The following RUBCN variants were observed in gnomAD, a reference collection of about 807,000 sequenced individuals.
RUBCN encodes the protein run domain Beclin-1-interacting and cysteine-rich domain-containing protein.
A neutral mutation model predicts 113.2 loss-of-function variants in RUBCN; 74 were observed. The observed-to-expected ratio is 0.65, with a 90% CI of 0.54 to 0.79. RUBCN has a LOEUF of 0.79. Among genes scored for constraint, RUBCN ranks in the 30% least tolerant of loss-of-function variants. The pLI, the probability that RUBCN is intolerant of heterozygous loss-of-function variation, is 0.00. For synonymous variants in RUBCN, 480 were observed against 490.0 expected, an observed-to-expected ratio of 0.98 and a Z score of 0.27; for missense variants, 1,109 against 1,251.7, an observed-to-expected ratio of 0.89 and a Z score of 1.72.
chr3:197,675,220 G>A lies in RUBCN; in HGVS notation c.2741-24C>T, dbSNP rs1376023108. On this transcript the variant is annotated intron_variant, in intron 19 of 19. Coordinates refer to ENST00000296343, the MANE Select transcript of RUBCN (RefSeq NM_014687.4). This position sits in a 1 kb window ranked among gnomAD's most constrained non-coding sequence, Gnocchi z 4.4. Reference sequence around the variant, plus strand: ...CTCTACTCAGGTTGGGAAGGTGGGGGAGAGAAGAAAACAATTTGTATTATC... The same window carrying A: ...CTCTACTCAGGTTGGGAAGGTGGGGAAGAGAAGAAAACAATTTGTATTATC... The A allele has an allele frequency of 1.2e-6, 2 of 1,613,362 alleles. No homozygotes were observed. The highest frequency in any genetic ancestry group is 1.7e-6 in the Non-Finnish European group (2 of 1,179,560).
chr3:197,692,949 T>C (rs1469865955), intron 11 of RUBCN, among the ~76,000 whole-genome samples: 1 of 152,234 alleles, frequency 6.6e-6, no homozygotes, highest in East Asian at 1.9e-4. Flanking sequence ...TCTGTCTACA[T>C]ACACAATGTT....
At position 197,700,717 on chromosome 3, in the gene RUBCN, C is replaced by G. The variant is rs1418145807; in HGVS notation, c.1157G>C (p.Arg386Thr). ...GESQLSSVLR[R>T]SSFSEGQTLT... ...TGTCTGCCCCTCTGAGAAGCTGGAC[C>G]TGCGGAGGACACTGGACAGCTGGCT... is the stretch of plus-strand genomic sequence containing the variant. Residue 386 changes from arginine to threonine, a missense_variant, in exon 7 of 20, where the codon AGG becomes ACG. By Grantham distance (71) the Arg-to-Thr change is moderately conservative. This residue lies in a region of RUBCN where 736 missense variants were observed against 779.6 expected (regional missense o/e 0.94). Coordinates refer to ENST00000296343, the MANE Select transcript of RUBCN (RefSeq NM_014687.4). The G allele has an allele frequency of 1.2e-6, 2 of 1,614,200 alleles. No individual in the cohort carries two copies. The highest frequency in any genetic ancestry group is 1.7e-5 in the Admixed American group (1 of 60,010).
chr3:197,746,655 C>T lies in RUBCN; in HGVS notation c.-116+2614G>A, dbSNP rs9861966. ...GACATATTTGTACTAAACAATTGTC[C>T]GTTGTTTATCTGAAATTCAAATTTA... is the stretch of plus-strand genomic sequence containing the variant. On this transcript the variant is annotated intron_variant, in intron 1 of 20. Coordinates refer to the RUBCN transcript ENST00000273582. Among the ~76,000 whole-genome samples, 1,471 of 152,062 alleles carry T rather than the reference C, an allele frequency of 9.7e-3. 12 individuals carry two copies. Among genetic ancestry groups the T allele is most frequent in the African/African-American group, 0.034 (1,395 of 41,496 alleles).
intron 13 of RUBCN, 123 bp from the exon 14 acceptor site, chr3:197,682,738 G>T: frequency 6.2e-6 from 8 of 1,300,666 alleles, no homozygotes; most frequent in Non-Finnish European, 7.7e-6. Flanking sequence ...TCACACGGAC[G>T]GGCTTGAGAA....
intron 2 of RUBCN, among the ~76,000 whole-genome samples, chr3:197,714,055 G>A (rs761278198): frequency 2.6e-5 from 4 of 151,858 alleles, no homozygotes; most frequent in Non-Finnish European, 5.9e-5. Flanking sequence ...CAGCCTGGGC[G>A]ACAGAGCGAG....
intron 1 of RUBCN, among the ~76,000 whole-genome samples, chr3:197,734,948 T>C (rs1470673835): frequency 3.3e-5 from 5 of 152,228 alleles, no homozygotes; most frequent in African/African-American, 1.2e-4. Context: ...CACATAAAAG[T>C]AGAGTCACCC....
At position 197,672,427 on chromosome 3, in the gene RUBCN, C is replaced by G. The variant is rs977033390; in HGVS notation, c.*2591G>C. 1 of 152,232 alleles carries G rather than the reference C, an allele frequency of 6.6e-6. No individual in the cohort carries two copies. The highest frequency in any genetic ancestry group is 1.5e-5 in the Non-Finnish European group (1 of 68,050). 9.4% of individuals were successfully genotyped at this position (152,232 alleles called of 1,614,324 possible). A position where few individuals can be genotyped will look rare whatever the true frequency, so the allele number is the denominator to read the frequency against. ...CATCCCATCCTCTACCCACTTCCCC[C>G]CTCTTGAATAAATAACTGGGTATTT... is the stretch of plus-strand genomic sequence containing the variant. On this transcript the variant is annotated 3_prime_UTR_variant, in exon 20 of 20. Transcript: ENST00000296343.
intron 5 of RUBCN, 90 bp downstream of exon 5, chr3:197,703,458 G>T: frequency 2.2e-6 from 1 of 449,708 alleles, no homozygotes; most frequent in Non-Finnish European, 4.3e-6. Context: ...TCACAAAAAT[G>T]GCTAAGTGAA....
At chr3:197,749,717 G>A (rs1242612001), upstream of RUBCN, 4 of 632,690 alleles carry the variant, frequency 6.3e-6, no homozygotes, top group South Asian at 3.0e-5. Context: ...CGGTCCTCGC[G>A]AGCGCCTAGC....
At chr3:197,684,458 C>G (rs1721610955) in intron 11 of RUBCN, among the ~76,000 whole-genome samples, 1 of 152,098 alleles carries the variant, frequency 6.6e-6, no homozygotes, top group Admixed American at 6.5e-5. Flanking sequence ...GTGTTACAAA[C>G]TCAGGCAGAA....
At chr3:197,737,039 C>T, upstream of RUBCN, 1 of 879,798 alleles carries the variant, frequency 1.1e-6, no homozygotes, top group Non-Finnish European at 1.5e-6. Context: ...TCCCGCAAGC[C>T]GCGCCCTCCA....
chr3:197,693,665 T>C, intron 11 of RUBCN, 50 bp downstream of exon 11: 1 of 1,227,654 alleles, frequency 8.1e-7, no homozygotes, highest in Non-Finnish European at 1.2e-6. Flanking sequence ...TCATTCTAAA[T>C]GGAAAGAAAC....
upstream of RUBCN, among the ~76,000 whole-genome samples, chr3:197,739,186 C>T (rs191134693): frequency 2.6e-5 from 4 of 151,912 alleles, no homozygotes; most frequent in East Asian, 7.8e-4. Context: ...GGTGATCCGC[C>T]GGCTTCGGCC....
chr3:197,710,438 T>C (rs189482784), intron 2 of RUBCN, among the ~76,000 whole-genome samples: 1 of 151,682 alleles, frequency 6.6e-6, no homozygotes, highest in East Asian at 2.0e-4. Context: ...CCATCTCTAC[T>C]AAAAATACAA....
At chr3:197,749,252 T>C in intron 1 of RUBCN, 1 of 1,031,816 alleles carries the variant, frequency 9.7e-7, no homozygotes, top group Non-Finnish European at 1.2e-6. Flanking sequence ...TGCAGCTACA[T>C]CAACAGAGGT....
At chr3:197,677,569 T>G (rs749539512) in intron 16 of RUBCN, 28 bp from the exon 17 acceptor site, 1 of 1,607,130 alleles carries the variant, frequency 6.2e-7, no homozygotes. Context: ...GGGGCAGGAG[T>G]GGGAGGGAGA....
chr3:197,698,639 A>AC (rs1220250952), intron 7 of RUBCN, among the ~76,000 whole-genome samples: 1 of 152,174 alleles, frequency 6.6e-6, no homozygotes, highest in African/African-American at 2.4e-5. Flanking sequence ...AAAGGGGATA[A>AC]AATACATTCT....
intron 1 of RUBCN, chr3:197,748,061 A>G (rs1289015081): frequency 6.6e-6 from 1 of 151,968 alleles, no homozygotes; most frequent in African/African-American, 2.4e-5. Context: ...CCTCCCAAGT[A>G]GCTGAGATTA....
chr3:197,742,376 C>A (rs936476607), intron 1 of RUBCN, among the ~76,000 whole-genome samples: 1 of 151,948 alleles, frequency 6.6e-6, no homozygotes. Flanking sequence ...GCCTGTAATC[C>A]CAGCCACTTG....
Sources: allele counts gnomAD v4.1 joint callset (sites outside exome capture counted in the v4.1 genomes callset), GRCh38; gene constraint gnomAD v4.1.1; regional missense constraint gnomAD v4.1.1; non-coding constraint Gnocchi (gnomAD v3.1); transcripts MANE v1.5; gene names NCBI Gene and HGNC (gene_info 2026-07-23, HGNC 2026-07-21).